The following IL10RB variants were observed in gnomAD, a reference collection of about 807,000 sequenced individuals.
IL10RB encodes the protein interleukin 10 receptor subunit beta, also known as interleukin-10 receptor subunit beta.
A neutral mutation model predicts 38.7 loss-of-function variants in IL10RB; 30 were observed. The ratio of observed to expected loss-of-function variants is 0.78; its 90% CI spans 0.58 to 1.05. IL10RB has a LOEUF of 1.05. IL10RB is among the 50% of genes least tolerant of loss of function. IL10RB has a pLI of 0.00. For synonymous variants in IL10RB, 142 were observed against 145.9 expected (o/e 0.97, Z 0.19); for missense variants, 328 against 397.1 (o/e 0.83, Z 1.48).
downstream of IL10RB, among the ~76,000 whole-genome samples, chr21:33,299,066 A>C (rs565441312): frequency 1.3e-5 from 2 of 152,306 alleles, no homozygotes; most frequent in Admixed American, 1.3e-4. Flanking sequence ...CTTCAAGCTC[A>C]TCTGTAAAAC....
chr21:33,268,576 A>G, intron 2 of IL10RB, 59 bp downstream of exon 2: 3 of 1,248,838 alleles, frequency 2.4e-6, no homozygotes, highest in South Asian at 1.2e-5. Flanking sequence ...TGGGCTGGTC[A>G]CTGGGTTGGG....
At chr21:33,283,029 G>GAAA in intron 4 of IL10RB, 65 bp from the exon 5 acceptor site, 5 of 1,048,038 alleles carry the variant, frequency 4.8e-6, no homozygotes, top group Non-Finnish European at 5.5e-6. Context: ...TGATAAATGT[G>GAAA]AAAAAAAAAA....
chr21:33,279,918 G>C lies in IL10RB; in HGVS notation c.498G>C (p.Lys166Asn), dbSNP rs1989249790. The change falls in exon 4 of 7, where the codon AAG (lysine) becomes AAC (asparagine). Residue 166 changes from lysine (K) to asparagine (N), a missense_variant and splice_region_variant. By Grantham distance (94) the Lys-to-Asn change is moderately conservative. Transcript: ENST00000290200. ...VQYWKNGTDE[K>N]FQITPQYDFE... ...ACTGGAAAAACGGTACTGATGAAAA[G>C]GTAAGGTTGGCTAATTGCATTTCAG... 1 of 1,613,190 alleles carries C rather than the reference G, an allele frequency of 6.2e-7. No individual in the cohort carries two copies. Among genetic ancestry groups the C allele is most frequent in the Non-Finnish European group, 8.5e-7 (1 of 1,179,324 alleles).
intron 4 of IL10RB, 23 bp downstream of exon 4, chr21:33,279,941 C>T: frequency 1.2e-6 from 2 of 1,605,430 alleles, no homozygotes; most frequent in Middle Eastern, 1.7e-4. Context: ...AATTGCATTT[C>T]AGAGGTAGTA....
chr21:33,270,758 T>A (rs950133419), intron 2 of IL10RB, among the ~76,000 whole-genome samples: 2 of 149,780 alleles, frequency 1.3e-5, no homozygotes, highest in African/African-American at 2.5e-5. Context: ...CACTGCAGCC[T>A]CCACCTCCTG....
At chr21:33,281,641 G>C (rs138775658) in intron 4 of IL10RB, among the ~76,000 whole-genome samples, 1 of 152,090 alleles carries the variant, frequency 6.6e-6, no homozygotes, top group Non-Finnish European at 1.5e-5. Flanking sequence ...GGAAAGCAGC[G>C]GTGCGATCTC....
At chr21:33,292,036 G>T (rs1466443784) in intron 6 of IL10RB, among the ~76,000 whole-genome samples, 1 of 152,164 alleles carries the variant, frequency 6.6e-6, no homozygotes, top group African/African-American at 2.4e-5. Context: ...GCTGTCTGCT[G>T]TCTATGATAC....
Position 33,297,208 on chromosome 21 carries a change from T to C in IL10RB, c.*851T>C, listed in dbSNP as rs2082971338. The C allele has an allele frequency of 6.5e-6, 1 of 153,588 alleles. No homozygotes were observed. Among genetic ancestry groups the C allele is most frequent in the Non-Finnish European group, 1.4e-5 (1 of 69,004 alleles). 9.5% of individuals were successfully genotyped at this position (153,588 alleles called of 1,614,324 possible). A position where few individuals can be genotyped will look rare whatever the true frequency, so the allele number is the denominator to read the frequency against. Reference sequence around the variant, plus strand: ...CTGGTGCTCCATTAAAGTTTTACTCTGTGTTGCACTATATGTGTTCATGAT... The same window carrying C: ...CTGGTGCTCCATTAAAGTTTTACTCCGTGTTGCACTATATGTGTTCATGAT... On this transcript the variant is annotated 3_prime_UTR_variant, in exon 7 of 7. Coordinates refer to ENST00000290200, the MANE Select transcript of IL10RB (RefSeq NM_000628.5).
At chr21:33,293,473 G>A (rs955523816) in intron 6 of IL10RB, among the ~76,000 whole-genome samples, 4 of 152,176 alleles carry the variant, frequency 2.6e-5, no homozygotes, top group Admixed American at 6.5e-5. Flanking sequence ...ACCCTCGATG[G>A]CAAGTGGGGC....
In IL10RB at chr21:33,268,096, G is replaced by A. The variant is rs981605301; in HGVS notation, c.50-298G>A. The A allele has an allele frequency of 1.2e-5, 8 of 643,014 alleles. No individual in the cohort carries two copies. In the Admixed American group the frequency reaches 2.0e-4, roughly 16 times the overall value. 39.8% of individuals were successfully genotyped at this position (643,014 alleles called of 1,614,324 possible). ...AGTCTCCAGTTTGTTTTTACGTCTGGAAATATATCTGAAATCCATGTGCCC... is the reference window on the plus strand; with the variant it reads ...AGTCTCCAGTTTGTTTTTACGTCTGAAAATATATCTGAAATCCATGTGCCC... On this transcript the variant is annotated intron_variant, in intron 1 of 6. Transcript: ENST00000290200.
At chr21:33,303,038 C>T (rs1302347329) in intron 1 of IL10RB, among the ~76,000 whole-genome samples, 7 of 152,196 alleles carry the variant, frequency 4.6e-5, no homozygotes, top group African/African-American at 1.7e-4. Context: ...TGTTCCCAGC[C>T]TTGCACGTGT....
chr21:33,294,785 G>A (rs937613601), intron 6 of IL10RB, among the ~76,000 whole-genome samples: 5 of 152,260 alleles, frequency 3.3e-5, no homozygotes, highest in African/African-American at 7.2e-5. Context: ...AAGGTTCTCC[G>A]TCTAATTGTG....
At chr21:33,280,287 C>T (rs1246600567) in intron 4 of IL10RB, among the ~76,000 whole-genome samples, 1 of 152,158 alleles carries the variant, frequency 6.6e-6, no homozygotes, top group Non-Finnish European at 1.5e-5. Context: ...CAGGGACGTC[C>T]GTGGTCAAGA....
At chr21:33,293,996 C>G in intron 6 of IL10RB, 1 of 470,994 alleles carries the variant, frequency 2.1e-6, no homozygotes, top group Non-Finnish European at 4.4e-6. Flanking sequence ...ATTTTTGCTT[C>G]TGGCTTCACC....
At chr21:33,294,132 G>T in intron 6 of IL10RB, 1 of 458,590 alleles carries the variant, frequency 2.2e-6, no homozygotes, top group South Asian at 1.6e-5. Context: ...GCCCCTGTAA[G>T]ATCTGAGAAA....
At chr21:33,268,762 C>G (rs1189316602) in intron 2 of IL10RB, among the ~76,000 whole-genome samples, 2 of 152,186 alleles carry the variant, frequency 1.3e-5, no homozygotes, top group Non-Finnish European at 2.9e-5. Flanking sequence ...CTGGCAGATA[C>G]AGACATTTTA....
chr21:33,272,796 G>T (rs967895861), intron 2 of IL10RB, among the ~76,000 whole-genome samples: 5 of 152,266 alleles, frequency 3.3e-5, no homozygotes, highest in Non-Finnish European at 7.4e-5. Flanking sequence ...TGATCACGTG[G>T]AGCCAATTAC....
chr21:33,284,646 C>A (rs770001316), intron 5 of IL10RB, among the ~76,000 whole-genome samples: 1 of 152,102 alleles, frequency 6.6e-6, no homozygotes, highest in Non-Finnish European at 1.5e-5. Flanking sequence ...ATCATGGGGG[C>A]CCATTTCTCA....
At position 33,296,807 on chromosome 21, in the gene IL10RB, G is replaced by C; in HGVS notation, c.*450G>C. On this transcript the variant is annotated 3_prime_UTR_variant, in exon 7 of 7. Coordinates refer to ENST00000290200, the MANE Select transcript of IL10RB (RefSeq NM_000628.5). Reference sequence around the variant, plus strand: ...TACTAAAAATACAAAAATTAGCTAGGCATGATGGCGCATGCCTATAATCCC... The same window carrying C: ...TACTAAAAATACAAAAATTAGCTAGCCATGATGGCGCATGCCTATAATCCC... 2.9e-6 allele frequency: 1 copy of C among 346,086 alleles called. No homozygotes were observed. Among genetic ancestry groups the C allele is most frequent in the South Asian group, 2.2e-5 (1 of 44,662 alleles). The allele number at this position is 346,086 out of a possible 1,614,324, so 21.4% of individuals were successfully genotyped here.
Sources: allele counts gnomAD v4.1 joint callset (sites outside exome capture counted in the v4.1 genomes callset), GRCh38; gene constraint gnomAD v4.1.1; transcripts MANE v1.5; gene names NCBI Gene and HGNC (gene_info 2026-07-23, HGNC 2026-07-21).